Variants in ZC3H12B observed in about 807,000 individuals in gnomAD.
ZC3H12B encodes the protein probable ribonuclease ZC3H12B.
ZC3H12B carries 7 observed loss-of-function variants against 43.9 expected under a neutral mutation model. That is an observed-to-expected ratio of 0.16 (90% confidence interval 0.09 to 0.30). The LOEUF (loss-of-function observed/expected upper bound fraction) is 0.30. Ranked by LOEUF, ZC3H12B falls within the 10% of genes least tolerant of loss-of-function variation. ZC3H12B has a pLI of 1.00. For synonymous variants in ZC3H12B, 222 were observed against 241.7 expected, an observed-to-expected ratio of 0.92 and a Z score of 0.76; for missense variants, 475 against 670.2, an observed-to-expected ratio of 0.71 and a Z score of 3.22.
the ZC3H12B span, among the ~76,000 whole-genome samples, chrX:65,118,113 C>T: frequency 5.4e-5 from 6 of 111,004 alleles, no homozygotes; most frequent in African/African-American, 1.6e-4. Flanking sequence ...TCATTGGTAG[C>T]GTGATGGGGA....
At chrX:65,441,031 C>T (rs755219560) in intron 3 of ZC3H12B, among the ~76,000 whole-genome samples, 10 of 112,195 alleles carry the variant, frequency 8.9e-5, no homozygotes, top group Admixed American at 5.7e-4. Flanking sequence ...TGTTTTTTTG[C>T]TTGAAGCAGT....
chrX:65,331,013 G>A, the ZC3H12B span: 12 of 329,706 alleles, frequency 3.6e-5, no homozygotes, highest in East Asian at 6.8e-4. Flanking sequence ...ACTTTTTGAC[G>A]TTCTGTTTCT....
the ZC3H12B span, among the ~76,000 whole-genome samples, chrX:65,186,917 C>G: frequency 8.9e-6 from 1 of 111,923 alleles, no homozygotes; most frequent in Admixed American, 9.5e-5. Context: ...ACCACATTTT[C>G]TTTATCCACT....
chrX:65,222,745 A>C, the ZC3H12B span, among the ~76,000 whole-genome samples: 1 of 110,559 alleles, frequency 9.0e-6, no homozygotes, highest in African/African-American at 3.3e-5. Flanking sequence ...TGACACAAAG[A>C]AATGGAAACA....
rs962740709 is a variant in ZC3H12B at position 65,441,801 on chromosome X, G to A, written n.407+43097G>A. ...CTTTTGTGCAGCATAAGTCTACTGC[G>A]GCACTACCAGCTGTGGCGGAGGACA... On this transcript the variant is annotated intron_variant and non_coding_transcript_variant, in intron 3 of 5. Coordinates refer to the ZC3H12B transcript ENST00000617377. Among the ~76,000 whole-genome samples the A allele has an allele frequency of 8.1e-5, 9 of 110,936 alleles. No individual in the cohort carries two copies. In the East Asian group the frequency reaches 8.6e-4, roughly 11 times the overall value.
chrX:65,219,853 A>C, the ZC3H12B span, among the ~76,000 whole-genome samples: 3 of 90,508 alleles, frequency 3.3e-5, no homozygotes, highest in Non-Finnish European at 6.8e-5. Flanking sequence ...CACACACACA[A>C]AACACCTGGG....
chrX:65,049,293 T>C, the ZC3H12B span, among the ~76,000 whole-genome samples: 9 of 111,777 alleles, frequency 8.1e-5, no homozygotes, highest in African/African-American at 2.9e-4. Flanking sequence ...CTAGGAGTTT[T>C]ATAGTTTCAG....
At chrX:65,297,970 A>C in the ZC3H12B span, among the ~76,000 whole-genome samples, 1 of 112,012 alleles carries the variant, frequency 8.9e-6, no homozygotes, top group Non-Finnish European at 1.9e-5. Flanking sequence ...CTGGATCATC[A>C]TCTCTCACCT....
intron 2 of ZC3H12B, among the ~76,000 whole-genome samples, chrX:65,387,902 C>A (rs1257894227): frequency 3.6e-5 from 4 of 112,184 alleles, no homozygotes; most frequent in African/African-American, 1.3e-4. Flanking sequence ...ACTTATGAAG[C>A]TTAGTTTGGC....
chrX:65,091,483 G>C, the ZC3H12B span, among the ~76,000 whole-genome samples: 7 of 112,066 alleles, frequency 6.2e-5, no homozygotes, highest in Non-Finnish European at 1.3e-4. Flanking sequence ...TACCTATTAT[G>C]CTTCATTTTG....
At chrX:65,138,674 A>G in the ZC3H12B span, among the ~76,000 whole-genome samples, 1 of 112,158 alleles carries the variant, frequency 8.9e-6, no homozygotes, top group Non-Finnish European at 1.9e-5. Flanking sequence ...ACAGTTTTTC[A>G]TGATGGCTGC....
the ZC3H12B span, among the ~76,000 whole-genome samples, chrX:65,290,749 G>A: frequency 9.0e-6 from 1 of 111,004 alleles, no homozygotes; most frequent in Non-Finnish European, 1.9e-5. Context: ...AATAAGCCAG[G>A]CACAAAAAGA....
At chrX:65,431,754 C>G (rs2067164314) in intron 3 of ZC3H12B, among the ~76,000 whole-genome samples, 1 of 112,101 alleles carries the variant, frequency 8.9e-6, no homozygotes, top group African/African-American at 3.2e-5. Flanking sequence ...TTTCAAGTCC[C>G]TGATTATCTC....
chrX:65,342,134 G>A, the ZC3H12B span, among the ~76,000 whole-genome samples: 2 of 111,646 alleles, frequency 1.8e-5, no homozygotes, highest in Non-Finnish European at 3.8e-5. Context: ...GAAAATGACA[G>A]ACTTTAAACC....
At chrX:65,496,801 CA>C (rs1394115445) in intron 1 of ZC3H12B, among the ~76,000 whole-genome samples, 1 of 109,392 alleles carries the variant, frequency 9.1e-6, no homozygotes, top group Non-Finnish European at 1.9e-5. Flanking sequence ...ACTAAAAATA[CA>C]AAAATTAGCT....
chrX:65,385,202 C>T (rs932458826), intron 2 of ZC3H12B, among the ~76,000 whole-genome samples: 7 of 111,825 alleles, frequency 6.3e-5, no homozygotes, highest in Non-Finnish European at 5.6e-5. Flanking sequence ...ATTGGTAGCA[C>T]GATGGGGATG....
chrX:65,466,189 C>G (rs2067815215), intron 3 of ZC3H12B, among the ~76,000 whole-genome samples: 1 of 110,920 alleles, frequency 9.0e-6, no homozygotes, highest in Non-Finnish European at 1.9e-5. Flanking sequence ...AGTAACCACT[C>G]TTCTACTCTC....
At chrX:65,238,087 C>A in the ZC3H12B span, among the ~76,000 whole-genome samples, 1 of 111,200 alleles carries the variant, frequency 9.0e-6, no homozygotes, top group South Asian at 3.8e-4. Context: ...GGAAGAGTCC[C>A]TCCTCAATTT....
chrX:65,483,447 C>G (rs895510570), intron 3 of ZC3H12B, among the ~76,000 whole-genome samples: 1 of 111,714 alleles, frequency 9.0e-6, no homozygotes, highest in South Asian at 3.7e-4. Flanking sequence ...TTTTGAGAAT[C>G]AGTAAAGTTT....
Sources: allele counts gnomAD v4.1 joint callset (sites outside exome capture counted in the v4.1 genomes callset), GRCh38; gene constraint gnomAD v4.1.1; transcripts MANE v1.5; gene names NCBI Gene and HGNC (gene_info 2026-07-23, HGNC 2026-07-21).